MARCHF1: variants seen among roughly 807,000 people sequenced by gnomAD.
MARCHF1 encodes E3 ubiquitin-protein ligase MARCHF1.
A neutral mutation model predicts 54.2 loss-of-function variants in MARCHF1; 40 were observed. That is an observed-to-expected ratio of 0.74 (90% CI 0.57 to 0.96). The LOEUF (loss-of-function observed/expected upper bound fraction) is 0.96. Among genes scored for constraint, MARCHF1 ranks in the 40% least tolerant of loss-of-function variants. The probability of loss-of-function intolerance (pLI) is 0.00; values close to 1 mark genes in which losing one functional copy is unlikely to be tolerated. For missense variants in MARCHF1, 586 were observed against 656.5 expected (o/e 0.89, Z 1.17); for synonymous variants, 236 against 236.3 (o/e 1.00, Z 0.01).
At chr4:164,158,713 G>A (rs1730150894) in intron 1 of MARCHF1, among the ~76,000 whole-genome samples, 2 of 152,022 alleles carry the variant, frequency 1.3e-5, no homozygotes, top group South Asian at 4.1e-4. Context: ...TCATTTAACT[G>A]TTCCACATGC....
chr4:163,592,475 A>G (rs1303799446), intron 7 of MARCHF1, among the ~76,000 whole-genome samples: 11 of 151,840 alleles, frequency 7.2e-5, no homozygotes, highest in Admixed American at 7.2e-4. Context: ...TCCTAACTCT[A>G]TTCCTGGAGC....
At chr4:164,053,287 T>C (rs1754413374) in intron 2 of MARCHF1, among the ~76,000 whole-genome samples, 1 of 152,206 alleles carries the variant, frequency 6.6e-6, no homozygotes, top group Non-Finnish European at 1.5e-5. Flanking sequence ...TTAAACTACA[T>C]GAAATGACCG....
At chr4:164,000,381 C>T (rs2110915943) in intron 2 of MARCHF1, among the ~76,000 whole-genome samples, 1 of 151,648 alleles carries the variant, frequency 6.6e-6, no homozygotes, top group Middle Eastern at 3.4e-3. Flanking sequence ...TGGTAGTTGC[C>T]AGGGATGCCA....
At chr4:164,051,751 C>T (rs1754371110) in intron 2 of MARCHF1, among the ~76,000 whole-genome samples, 2 of 152,146 alleles carry the variant, frequency 1.3e-5, no homozygotes. Flanking sequence ...CCATGTTATT[C>T]TGTTATGCAT....
chr4:164,167,977 A>G (rs1235537203), intron 1 of MARCHF1, among the ~76,000 whole-genome samples: 1 of 151,986 alleles, frequency 6.6e-6, no homozygotes, highest in Non-Finnish European at 1.5e-5. Flanking sequence ...AAAAAATGAA[A>G]AGCCAATCTA....
chr4:164,351,998 A>G (rs1212196097), intron 1 of MARCHF1, among the ~76,000 whole-genome samples: 1 of 139,568 alleles, frequency 7.2e-6, no homozygotes, highest in Non-Finnish European at 1.6e-5. Flanking sequence ...ATCAACTGGA[A>G]GAAAGGGTAT....
At chr4:164,369,085 T>TCC (rs1021698174) in intron 1 of MARCHF1, among the ~76,000 whole-genome samples, 1 of 149,176 alleles carries the variant, frequency 6.7e-6, no homozygotes, top group Non-Finnish European at 1.5e-5. Flanking sequence ...CAGCTCCCTC[T>TCC]CTCAGGTAAG....
At chr4:163,558,022 A>C (rs905000409) in intron 8 of MARCHF1, among the ~76,000 whole-genome samples, 3 of 152,200 alleles carry the variant, frequency 2.0e-5, no homozygotes, top group African/African-American at 7.2e-5. Context: ...TGACCATGAC[A>C]AAGAGGGGGA....
intron 5 of MARCHF1, among the ~76,000 whole-genome samples, chr4:163,670,848 A>AT (rs1402025989): frequency 2.0e-5 from 3 of 152,010 alleles, no homozygotes; most frequent in Non-Finnish European, 4.4e-5. Flanking sequence ...TGTTCCTTTT[A>AT]TTTTTTTCTG....
At chr4:163,679,770 G>A (rs1421259776) in intron 5 of MARCHF1, among the ~76,000 whole-genome samples, 1 of 151,726 alleles carries the variant, frequency 6.6e-6, no homozygotes, top group African/African-American at 2.4e-5. Context: ...CCACCACCAC[G>A]CCCGGCTAAT....
At chr4:163,542,663 T>A (rs1227136762) in intron 9 of MARCHF1, among the ~76,000 whole-genome samples, 4 of 152,164 alleles carry the variant, frequency 2.6e-5, no homozygotes, top group African/African-American at 9.7e-5. Context: ...TTAGCCAGCA[T>A]CAGAATCACC....
At chr4:163,999,994 T>C (rs923634021) in intron 2 of MARCHF1, among the ~76,000 whole-genome samples, 2 of 151,710 alleles carry the variant, frequency 1.3e-5, no homozygotes, top group African/African-American at 4.8e-5. Flanking sequence ...ATGATATTAA[T>C]TGTGCGAGGT....
chr4:163,660,464 A>C (rs1486000321), intron 5 of MARCHF1, among the ~76,000 whole-genome samples: 2 of 151,860 alleles, frequency 1.3e-5, no homozygotes, highest in Non-Finnish European at 2.9e-5. Context: ...GAGGAGCTTA[A>C]AACATAGATG....
At chr4:164,274,248 G>A (rs1164130537) in intron 1 of MARCHF1, among the ~76,000 whole-genome samples, 2 of 152,102 alleles carry the variant, frequency 1.3e-5, no homozygotes, top group African/African-American at 4.8e-5. Flanking sequence ...TATTTTATAC[G>A]TACATTCAGC....
chr4:164,139,336 C>A (rs995977125), intron 1 of MARCHF1, among the ~76,000 whole-genome samples: 2 of 152,132 alleles, frequency 1.3e-5, no homozygotes, highest in African/African-American at 4.8e-5. Flanking sequence ...AAGCACTGAT[C>A]TTTAAAAGGT....
At chr4:163,789,803 A>G (rs960420222) in intron 4 of MARCHF1, among the ~76,000 whole-genome samples, 7 of 152,082 alleles carry the variant, frequency 4.6e-5, no homozygotes, top group African/African-American at 1.7e-4. Context: ...GGATCTGTAG[A>G]AACCTGATTA....
chr4:164,121,828 T>TC (rs1756073162), intron 1 of MARCHF1, among the ~76,000 whole-genome samples: 1 of 151,930 alleles, frequency 6.6e-6, no homozygotes, highest in Admixed American at 6.6e-5. Flanking sequence ...AGAGATTACT[T>TC]CCAAATTCAC....
intron 3 of MARCHF1, among the ~76,000 whole-genome samples, chr4:163,946,027 T>C (rs568492711): frequency 4.5e-4 from 68 of 152,200 alleles, no homozygotes; most frequent in Non-Finnish European, 7.5e-4. Flanking sequence ...TAATTCCATA[T>C]AGCACCAAAT....
intron 3 of MARCHF1, among the ~76,000 whole-genome samples, chr4:163,948,188 C>T (rs1054998683): frequency 6.6e-6 from 1 of 152,024 alleles, no homozygotes; most frequent in Non-Finnish European, 1.5e-5. Context: ...TAACCAATAT[C>T]CTAAAATGGC....
Sources: gnomAD v4.1 joint callset for allele counts (sites outside exome capture counted in the v4.1 genomes callset) on GRCh38, gnomAD v4.1.1 for gene constraint, MANE v1.5 for transcripts, NCBI Gene and HGNC (gene_info 2026-07-23, HGNC 2026-07-21) for gene names.